Variants in GRIK4 observed in about 807,000 individuals in gnomAD.
GRIK4 encodes the protein glutamate ionotropic receptor kainate type subunit 4.
Under a neutral mutation model 104.9 loss-of-function variants are expected in GRIK4, and 40 were observed. The observed-to-expected ratio is 0.38, with a 90% CI of 0.30 to 0.50. The LOEUF (loss-of-function observed/expected upper bound fraction) is 0.50, where lower values mean the gene tolerates loss of function less well. Ranked by LOEUF, GRIK4 falls within the 20% of genes least tolerant of loss-of-function variation. The pLI, the probability that GRIK4 is intolerant of heterozygous loss-of-function variation, is 0.93. For synonymous variants in GRIK4, 485 were observed against 524.9 expected (o/e 0.92, Z 1.04); for missense variants, 1,047 against 1,308.1 (o/e 0.80, Z 3.08).
At chr11:120,800,863 C>T (rs575595591) in intron 3 of GRIK4, among the ~76,000 whole-genome samples, 13 of 152,312 alleles carry the variant, frequency 8.5e-5, no homozygotes, top group South Asian at 4.1e-4. Flanking sequence ...GAAATGTATT[C>T]GGCTTGATTC....
intron 13 of GRIK4, among the ~76,000 whole-genome samples, chr11:120,922,438 C>G (rs541739675): frequency 6.6e-6 from 1 of 152,290 alleles, no homozygotes; most frequent in South Asian, 2.1e-4. Context: ...CAGCTAGGCC[C>G]TGCTCATCCC....
intron 3 of GRIK4, among the ~76,000 whole-genome samples, chr11:120,740,991 G>C (rs1951318868): frequency 6.6e-6 from 1 of 152,174 alleles, no homozygotes; most frequent in South Asian, 2.1e-4. Context: ...GGACCTAAGG[G>C]AGGAGGGGCC....
chr11:120,883,698 A>C lies in GRIK4; in HGVS notation c.1164+8455A>C, dbSNP rs371899917. 8.5e-5 allele frequency among the ~76,000 whole-genome samples: 13 copies of C among 152,372 alleles called. No homozygotes were observed. In the East Asian group the frequency reaches 2.3e-3, roughly 27 times the overall value. On this transcript the variant is annotated intron_variant, in intron 11 of 20. Transcript: ENST00000527524. The stretch of plus-strand genomic sequence containing the variant: ...GAAGCTTATTCACACATCAGCCGGC[A>C]AACAAATTAGAGCTACTTAAATTTT...
At chr11:120,544,129 C>G (rs2266101) in intron 1 of GRIK4, among the ~76,000 whole-genome samples, 2 of 152,048 alleles carry the variant, frequency 1.3e-5, no homozygotes, top group Non-Finnish European at 2.9e-5. Context: ...TGATAGTAAG[C>G]GTTCTTACCA....
intron 3 of GRIK4, among the ~76,000 whole-genome samples, chr11:120,752,399 G>A (rs559011037): frequency 6.6e-6 from 1 of 152,266 alleles, no homozygotes; most frequent in Non-Finnish European, 1.5e-5. Context: ...ACATCTGGAG[G>A]GACAGAGCCA....
chr11:120,966,058 A>G (rs1944378363), intron 18 of GRIK4, among the ~76,000 whole-genome samples: 1 of 152,188 alleles, frequency 6.6e-6, no homozygotes, highest in African/African-American at 2.4e-5. Context: ...GTTTCACTTA[A>G]GCCTGTTTTT....
intron 8 of GRIK4, among the ~76,000 whole-genome samples, chr11:120,860,822 A>G (rs1018934525): frequency 2.0e-5 from 3 of 152,206 alleles, no homozygotes; most frequent in Admixed American, 6.5e-5. Flanking sequence ...TGGTTTTGGC[A>G]TTCCTCCACT....
intron 3 of GRIK4, among the ~76,000 whole-genome samples, chr11:120,740,166 C>T (rs1951302155): frequency 6.6e-6 from 1 of 150,646 alleles, no homozygotes. Flanking sequence ...TCTGAGCCTA[C>T]TCTCCACTTC....
At chr11:120,605,968 A>G (rs531737164) in intron 1 of GRIK4, among the ~76,000 whole-genome samples, 9 of 152,318 alleles carry the variant, frequency 5.9e-5, no homozygotes, top group African/African-American at 2.2e-4. Flanking sequence ...TGCCTTTTCT[A>G]ATAGGCTTCT....
chr11:120,875,202 G>T lies in GRIK4; in HGVS notation c.1123G>T (p.Ala375Ser). The change falls in exon 11 of 21, where the codon GCT (alanine) becomes TCT (serine). Residue 375 changes from alanine (A) to serine (S), a missense_variant. Around this residue, in one of 3 missense-constraint regions of GRIK4, gnomAD observed 447 missense variants for 514.9 expected, o/e 0.87. Transcript: ENST00000527524. ...CAGCAAAGGCCAGAGGTCCAACTACGCTTTGAAAATCTTACAGTTCACAAG... is the reference window on the plus strand; with the variant it reads ...CAGCAAAGGCCAGAGGTCCAACTACTCTTTGAAAATCTTACAGTTCACAAG... ...FNSKGQRSNY[A>S]LKILQFTRNG... The T allele has an allele frequency of 6.2e-7, 1 of 1,613,638 alleles. No individual in the cohort carries two copies. Among genetic ancestry groups the T allele is most frequent in the South Asian group, 1.1e-5 (1 of 91,066 alleles).
chr11:120,692,577 G>C lies in GRIK4; in HGVS notation c.82+32177G>C, dbSNP rs186826061. Among the ~76,000 whole-genome samples the C allele has an allele frequency of 3.3e-3, 506 of 152,322 alleles. 2 individuals are homozygous for C. The highest frequency in any genetic ancestry group is 0.012 in the African/African-American group (481 of 41,574). ...GGTTTTTGAGAGACACGTCCCTGGA[G>C]CTGAGTTAAAGCTGGCCGGATGAAG... On this transcript the variant is annotated intron_variant, in intron 3 of 20. Coordinates refer to ENST00000527524, the MANE Select transcript of GRIK4 (RefSeq NM_014619.5).
chr11:120,934,896 C>T (rs1943563610), intron 13 of GRIK4, among the ~76,000 whole-genome samples: 1 of 152,188 alleles, frequency 6.6e-6, no homozygotes, highest in Non-Finnish European at 1.5e-5. Flanking sequence ...ATGGTCCCAG[C>T]TTTTTCTGGT....
intron 3 of GRIK4, among the ~76,000 whole-genome samples, chr11:120,664,993 C>T (rs753663982): frequency 1.3e-5 from 2 of 152,146 alleles, no homozygotes; most frequent in African/African-American, 2.4e-5. Context: ...TACGAGGACC[C>T]TCCAAGCACT....
chr11:120,961,976 A>G (rs1355409649), intron 17 of GRIK4, among the ~76,000 whole-genome samples: 2 of 152,216 alleles, frequency 1.3e-5, no homozygotes, highest in Non-Finnish European at 2.9e-5. Context: ...AGCATTGGAT[A>G]TGTGATTGAT....
intron 19 of GRIK4, among the ~76,000 whole-genome samples, chr11:120,972,749 T>C (rs888349139): frequency 2.0e-5 from 3 of 152,116 alleles, no homozygotes; most frequent in African/African-American, 7.2e-5. Context: ...GGGTGGTACA[T>C]GTGGAGCAGA....
intron 14 of GRIK4, among the ~76,000 whole-genome samples, chr11:120,942,306 G>C (rs567742944): frequency 2.0e-5 from 3 of 152,228 alleles, no homozygotes; most frequent in African/African-American, 7.2e-5. Context: ...ACATCTGTTG[G>C]TACTCACTAG....
At chr11:120,543,197 C>A (rs1948054033) in intron 1 of GRIK4, among the ~76,000 whole-genome samples, 1 of 152,192 alleles carries the variant, frequency 6.6e-6, no homozygotes, top group Admixed American at 6.5e-5. Context: ...ATAATCTGTA[C>A]ATCAAACCCT....
intron 8 of GRIK4, among the ~76,000 whole-genome samples, chr11:120,861,093 CTTTTTTTTTTTTTTTTTT>C (rs547199127): frequency 3.0e-4 from 26 of 86,558 alleles, no homozygotes; most frequent in African/African-American, 8.9e-4. Context: ...AAATCATCCT[CTTTTTTTTTTTTTTTTTT>C]TTTTTTTTTT....
intron 3 of GRIK4, among the ~76,000 whole-genome samples, chr11:120,701,423 A>G (rs1482435970): frequency 6.6e-6 from 1 of 152,148 alleles, no homozygotes; most frequent in African/African-American, 2.4e-5. Context: ...AATTTCCTCT[A>G]GGTTCATTCA....
Sources: gnomAD v4.1 joint callset for allele counts (sites outside exome capture counted in the v4.1 genomes callset) on GRCh38, gnomAD v4.1.1 for gene constraint, gnomAD v4.1.1 regional missense constraint, MANE v1.5 for transcripts, NCBI Gene and HGNC (gene_info 2026-07-23, HGNC 2026-07-21) for gene names.